Variants in KIR3DL1 observed in about 807,000 individuals in gnomAD.
The protein encoded by KIR3DL1 is killer cell immunoglobulin like receptor, three Ig domains and long cytoplasmic tail 1, also known as killer cell immunoglobulin-like receptor 3DL1.
Under a neutral mutation model 40.3 loss-of-function variants are expected in KIR3DL1, and 50 were observed. That is an observed-to-expected ratio of 1.24 (90% CI 0.99 to 1.57). The LOEUF is 1.57. Among genes scored for constraint, KIR3DL1 ranks in the 40% most tolerant of loss-of-function variants. The pLI, the probability that KIR3DL1 is intolerant of heterozygous loss-of-function variation, is 0.00. For synonymous variants in KIR3DL1, 257 were observed against 207.2 expected (o/e 1.24, Z -2.07); for missense variants, 661 against 559.9 (o/e 1.18, Z -1.82).
chr19:54,816,762 TG>T (rs1476971398), intron 1 of KIR3DL1, among the ~76,000 whole-genome samples: 2 of 115,512 alleles, frequency 1.7e-5, no homozygotes, highest in Non-Finnish European at 3.4e-5. Context: ...GATATGGGCC[TG>T]GGGTGGAGAT....
At chr19:54,823,722 C>A (rs2061750543) in intron 5 of KIR3DL1, among the ~76,000 whole-genome samples, 1 of 151,370 alleles carries the variant, frequency 6.6e-6, no homozygotes, top group South Asian at 2.1e-4. Context: ...GGTCTCCCGA[C>A]CTCAGGTGAT....
chr19:54,817,686 T>C, intron 2 of KIR3DL1, 117 bp downstream of exon 2: 1 of 821,596 alleles, frequency 1.2e-6, no homozygotes, highest in Non-Finnish European at 1.9e-6. Flanking sequence ...GACCCTCGGA[T>C]GCTCGGCCCA....
At position 54,817,167 on chromosome 19, in the gene KIR3DL1, G is replaced by A. The variant is rs1181712698; in HGVS notation, c.35-367G>A. On this transcript the variant is annotated intron_variant, in intron 1 of 8. Coordinates refer to ENST00000391728, the Ensembl canonical transcript of KIR3DL1. ...AAGCCTGGAGTGGAAATATGGGCCT[G>A]GAGTGGAGATATGAGCCTGGAGTGG... Among the ~76,000 whole-genome samples, 8 of 147,656 alleles carry A rather than the reference G, an allele frequency of 5.4e-5. No individual in the cohort carries two copies. The South Asian group carries it at 1.3e-3, about 25-fold the overall frequency.
chr19:54,828,008 C>T (rs2061997933), intron 6 of KIR3DL1, among the ~76,000 whole-genome samples: 1 of 150,586 alleles, frequency 6.6e-6, no homozygotes, highest in Admixed American at 6.6e-5. Context: ...TCAGTGCCAG[C>T]ACTAGCTCCT....
At chr19:54,828,735 A>ATTTTTTT (rs1263422414) in intron 6 of KIR3DL1, among the ~76,000 whole-genome samples, 3 of 140,702 alleles carry the variant, frequency 2.1e-5, no homozygotes, top group African/African-American at 7.9e-5. Flanking sequence ...GTCTTAGTCC[A>ATTTTTTT]TTTTTGTTGC....
chr19:54,828,251 T>C (rs2062012716), intron 6 of KIR3DL1, among the ~76,000 whole-genome samples: 1 of 151,184 alleles, frequency 6.6e-6, no homozygotes, highest in Non-Finnish European at 1.5e-5. Context: ...TTCCTTTTCT[T>C]GGAGAATGCA....
At chr19:54,830,681 C>T (rs180964390) in exon 9 of KIR3DL1, 3 of 222,816 alleles carry the variant, frequency 1.3e-5, no homozygotes, top group Admixed American at 5.7e-5. Flanking sequence ...CACCTTTCTT[C>T]GGACTATTTT....
chr19:54,824,944 G>C, intron 5 of KIR3DL1, 84 bp from the exon 6 acceptor site: 1 of 972,140 alleles, frequency 1.0e-6, no homozygotes, highest in South Asian at 1.4e-5. Context: ...ACAGAGTGTT[G>C]GCCATGAACC....
In KIR3DL1 at chr19:54,818,361, G is replaced by GC; in HGVS notation, c.119dup (p.Arg41SerfsTer14). The stretch of plus-strand genomic sequence containing the variant: ...TGTCTGCCTGGCCCAGCGCTGTGGT[G>GC]CCTCGAGGAGGACACGTGACTCTTC... On this transcript the variant is annotated frameshift_variant, in exon 3 of 9. Coordinates refer to ENST00000391728, the Ensembl canonical transcript of KIR3DL1. LOFTEE classifies it high-confidence loss of function. 1 of 1,605,554 alleles carries GC rather than the reference G, an allele frequency of 6.2e-7. No homozygotes were observed. The highest frequency in any genetic ancestry group is 8.5e-7 in the Non-Finnish European group (1 of 1,177,946).
chr19:54,816,659 T>C, intron 1 of KIR3DL1, 125 bp downstream of exon 1: 5 of 1,377,900 alleles, frequency 3.6e-6, no homozygotes, highest in Non-Finnish European at 5.0e-6. Context: ...GAAGTGGAGA[T>C]CTGGGCCTGG....
chr19:54,828,023 C>T (rs554264159), intron 6 of KIR3DL1, among the ~76,000 whole-genome samples: 2,039 of 150,650 alleles, frequency 0.014, 163 homozygotes, highest in African/African-American at 0.048. Flanking sequence ...GCTCCTGCTC[C>T]CCTTTCCTAC....
At chr19:54,821,717 C>G (rs374761764) in exon 5 of KIR3DL1, 2 of 1,608,780 alleles carry the variant, frequency 1.2e-6, no homozygotes, top group Non-Finnish European at 1.7e-6. Context: ...CCCTGCAGTG[C>G]GCAAGGTCAA....
exon 8 of KIR3DL1, chr19:54,829,980 G>C: frequency 1.3e-6 from 2 of 1,528,860 alleles, no homozygotes; most frequent in Non-Finnish European, 1.8e-6. Flanking sequence ...CCAACAGCGA[G>C]GTAGGTGCTC....
rs199717227 is a variant in KIR3DL1 at position 54,823,097 on chromosome 19, A to C, written c.949+1239A>C. ...AGTCCAAGCTGGAGTCTAAGTGGTG[A>C]GATCTTGGCTCATTGCAACCTGTGC... On this transcript the variant is annotated intron_variant, in intron 5 of 8. Coordinates refer to ENST00000391728, the Ensembl canonical transcript of KIR3DL1. Among the ~76,000 whole-genome samples the C allele has an allele frequency of 8.0e-3, 1,195 of 149,292 alleles. 20 individuals are homozygous for C. The highest frequency in any genetic ancestry group is 0.013 in the Non-Finnish European group (855 of 67,512).
At chr19:54,819,887 A>G in exon 4 of KIR3DL1, 1 of 1,612,210 alleles carries the variant, frequency 6.2e-7, no homozygotes. Context: ...GGGGTCTCCA[A>G]GGCCAATTTC....
At chr19:54,821,682 A>C (rs1446440678) in exon 5 of KIR3DL1, 1 of 1,609,652 alleles carries the variant, frequency 6.2e-7, no homozygotes, top group African/African-American at 1.3e-5. Flanking sequence ...CTATCCAGGG[A>C]GGGGGGAGCC....
chr19:54,820,092 A>C, intron 4 of KIR3DL1, 80 bp downstream of exon 4: 1 of 1,439,774 alleles, frequency 6.9e-7, no homozygotes, highest in Non-Finnish European at 9.6e-7. Flanking sequence ...CCAGGTGGTC[A>C]TGAGGAAGAT....
intron 3 of KIR3DL1, 121 bp from the exon 4 acceptor site, chr19:54,819,592 A>T: frequency 8.3e-7 from 1 of 1,210,616 alleles, no homozygotes; most frequent in Non-Finnish European, 1.2e-6. Flanking sequence ...CAGAAAAGAC[A>T]CGGAGATGCA....
chr19:54,826,990 G>C (rs1245914885), intron 6 of KIR3DL1, among the ~76,000 whole-genome samples: 1 of 151,756 alleles, frequency 6.6e-6, no homozygotes, highest in Admixed American at 6.5e-5. Context: ...AATAGTGACT[G>C]ACATGAAAAT....
Sources: gnomAD v4.1 joint callset for allele counts (sites outside exome capture counted in the v4.1 genomes callset) on GRCh38, gnomAD v4.1.1 for gene constraint, MANE v1.5 for transcripts, NCBI Gene and HGNC (gene_info 2026-07-23, HGNC 2026-07-21) for gene names.